Variants in TF observed in about 807,000 individuals in gnomAD.
The protein encoded by TF is transferrin.
TF carries 55 observed loss-of-function variants against 82.4 expected under a neutral mutation model. That is an observed-to-expected ratio of 0.67 (90% confidence interval 0.54 to 0.84). The LOEUF (loss-of-function observed/expected upper bound fraction) is 0.84. Ranked by LOEUF, TF falls within the 40% of genes least tolerant of loss-of-function variation. The pLI, the probability that TF is intolerant of heterozygous loss-of-function variation, is 0.00. For synonymous variants in TF, 332 were observed against 332.6 expected (o/e 1.00, Z 0.02); for missense variants, 737 against 868.4 (o/e 0.85, Z 1.90).
the TF span, among the ~76,000 whole-genome samples, chr3:133,680,053 A>T: frequency 6.6e-6 from 1 of 151,880 alleles, no homozygotes. Flanking sequence ...TTCTCTGGGG[A>T]CTCATGATGT....
chr3:133,773,539 T>G (rs1934311175), intron 14 of TF: 1 of 151,890 alleles, frequency 6.6e-6, no homozygotes, highest in Non-Finnish European at 1.5e-5. Flanking sequence ...TAGGTGTGTG[T>G]AGGAAAAAGA....
chr3:133,743,422 A>G (rs554861018), upstream of TF, among the ~76,000 whole-genome samples: 15 of 151,114 alleles, frequency 9.9e-5, no homozygotes, highest in Admixed American at 4.0e-4. Context: ...TGGGAGTCTC[A>G]TGTCTGTCCC....
the TF span, among the ~76,000 whole-genome samples, chr3:133,736,120 T>C: frequency 6.6e-6 from 1 of 152,176 alleles, no homozygotes; most frequent in Non-Finnish European, 1.5e-5. Flanking sequence ...GCAGAAACCC[T>C]GCAAGCCAGA....
chr3:133,726,789 G>T, the TF span, among the ~76,000 whole-genome samples: 2 of 151,906 alleles, frequency 1.3e-5, no homozygotes, highest in East Asian at 3.9e-4. Context: ...TCTCTTGTGG[G>T]CATTTAGTGC....
rs1169039443 is a variant in TF at position 133,786,589 on chromosome 3, T to C, written c.*7969T>C. 6.6e-6 allele frequency: 1 copy of C among 152,254 alleles called. No individual in the cohort carries two copies. Among genetic ancestry groups the C allele is most frequent in the African/African-American group, 2.4e-5 (1 of 41,468 alleles). 9.4% of individuals were successfully genotyped at this position (152,254 alleles called of 1,614,324 possible). A position where few individuals can be genotyped will look rare whatever the true frequency, so the allele number is the denominator to read the frequency against. ...TGACTTTACATCTAGTCTTTCTAGATGTTAAAGAGGTTGCTAGTGTATGAC... is the reference window on the plus strand; with the variant it reads ...TGACTTTACATCTAGTCTTTCTAGACGTTAAAGAGGTTGCTAGTGTATGAC... On this transcript the variant is annotated 3_prime_UTR_variant, in exon 17 of 17. Coordinates refer to ENST00000402696, the MANE Select transcript of TF (RefSeq NM_001063.4).
chr3:133,711,162 T>C, the TF span, among the ~76,000 whole-genome samples: 1 of 152,206 alleles, frequency 6.6e-6, no homozygotes, highest in Admixed American at 6.5e-5. Flanking sequence ...AAACTCTTTT[T>C]CCCAATCTCA....
the TF span, among the ~76,000 whole-genome samples, chr3:133,726,403 G>C: frequency 6.6e-6 from 1 of 152,082 alleles, no homozygotes; most frequent in African/African-American, 2.4e-5. Context: ...TATGTGTTGA[G>C]GAATTTATCC....
At chr3:133,677,676 T>C in the TF span, among the ~76,000 whole-genome samples, 1 of 151,344 alleles carries the variant, frequency 6.6e-6, no homozygotes, top group African/African-American at 2.4e-5. Flanking sequence ...ACAACAAAAA[T>C]CATTTCTTTT....
At chr3:133,717,909 G>A in the TF span, among the ~76,000 whole-genome samples, 3 of 152,160 alleles carry the variant, frequency 2.0e-5, no homozygotes, top group Non-Finnish European at 2.9e-5. Flanking sequence ...AGAGATTCAT[G>A]GATATATTGC....
the TF span, among the ~76,000 whole-genome samples, chr3:133,692,294 C>T: frequency 1.3e-5 from 2 of 152,226 alleles, no homozygotes; most frequent in African/African-American, 4.8e-5. Flanking sequence ...TTAGTGTCAT[C>T]GTGTCATCAG....
chr3:133,753,779 G>T, intron 3 of TF, 76 bp downstream of exon 3: 1 of 1,215,760 alleles, frequency 8.2e-7, no homozygotes, highest in East Asian at 2.3e-5. Context: ...TTACAGGCAG[G>T]TTTTGGATAT....
chr3:133,664,346 C>T, the TF span, among the ~76,000 whole-genome samples: 11 of 151,714 alleles, frequency 7.3e-5, no homozygotes, highest in South Asian at 6.2e-4. Context: ...TTTTTTGAGA[C>T]GGAGTCTCAC....
the TF span, among the ~76,000 whole-genome samples, chr3:133,719,518 C>G: frequency 6.6e-6 from 1 of 152,108 alleles, no homozygotes; most frequent in Admixed American, 6.6e-5. Flanking sequence ...CCCTCCCACT[C>G]CTGTAGTATA....
chr3:133,702,233 G>A, the TF span, among the ~76,000 whole-genome samples: 1 of 151,998 alleles, frequency 6.6e-6, no homozygotes, highest in Non-Finnish European at 1.5e-5. Flanking sequence ...CACCCCACAG[G>A]CCCCTCCAGC....
At chr3:133,678,862 T>TTTTG in the TF span, among the ~76,000 whole-genome samples, 1 of 145,042 alleles carries the variant, frequency 6.9e-6, no homozygotes, top group Admixed American at 6.7e-5. Flanking sequence ...TTTTGTTTTG[T>TTTTG]TTTGTTTTGT....
the TF span, among the ~76,000 whole-genome samples, chr3:133,674,686 A>G: frequency 3.9e-5 from 6 of 151,954 alleles, no homozygotes; most frequent in African/African-American, 1.4e-4. Context: ...CGGCGCTGCA[A>G]GGTGCTCCGG....
chr3:133,760,138 A>G (rs558154391), intron 9 of TF, among the ~76,000 whole-genome samples: 1 of 152,044 alleles, frequency 6.6e-6, no homozygotes, highest in South Asian at 2.1e-4. Flanking sequence ...TCCTCCCCAC[A>G]TTTCTTGCCC....
chr3:133,767,932 TC>T, intron 12 of TF, 96 bp from the exon 13 acceptor site: 2 of 1,463,672 alleles, frequency 1.4e-6, no homozygotes, highest in Non-Finnish European at 1.9e-6. Flanking sequence ...ATGAATATGT[TC>T]TACTTATTAT....
Position 133,778,981 on chromosome 3 carries a change from T to C in TF, c.*361T>C, listed in dbSNP as rs952581393. The C allele has an allele frequency of 9.7e-5, 29 of 299,814 alleles. No homozygotes were observed. The highest frequency in any genetic ancestry group is 1.4e-4 in the Non-Finnish European group (21 of 154,984). The allele number at this position is 299,814 out of a possible 1,614,324, so 18.6% of individuals were successfully genotyped here. A position where few individuals can be genotyped will look rare whatever the true frequency, so the allele number is the denominator to read the frequency against. On this transcript the variant is annotated 3_prime_UTR_variant, in exon 17 of 17. Coordinates refer to ENST00000402696, the MANE Select transcript of TF (RefSeq NM_001063.4). ...GACATCTTTTCTAAAAGGGTCTGCG[T>C]GATCATTAAAATATAATCAAATGTA...
Sources: allele counts gnomAD v4.1 joint callset (sites outside exome capture counted in the v4.1 genomes callset), GRCh38; gene constraint gnomAD v4.1.1; transcripts MANE v1.5; gene names NCBI Gene and HGNC (gene_info 2026-07-23, HGNC 2026-07-21).